Variants in PCDH9 observed in about 807,000 individuals in gnomAD.
PCDH9 encodes the protein protocadherin-9.
Under a neutral mutation model 70.6 loss-of-function variants are expected in PCDH9, and 24 were observed. The ratio of observed to expected loss-of-function variants is 0.34; its 90% CI spans 0.25 to 0.48. PCDH9 has a LOEUF of 0.48. Ranked by LOEUF, PCDH9 falls within the 20% of genes least tolerant of loss-of-function variation. The probability of loss-of-function intolerance (pLI) is 0.99; values close to 1 mark genes in which losing one functional copy is unlikely to be tolerated. For synonymous variants in PCDH9, 562 were observed against 558.5 expected, an observed-to-expected ratio of 1.01 and a Z score of -0.09; for missense variants, 1,281 against 1,503.6, an observed-to-expected ratio of 0.85 and a Z score of 2.45.
chr13:66,323,298 G>T (rs1383526333), intron 4 of PCDH9: 1 of 151,918 alleles, frequency 6.6e-6, no homozygotes, highest in East Asian at 1.9e-4. Context: ...ATTAACTTTA[G>T]GAAAGGAACT....
intron 4 of PCDH9, among the ~76,000 whole-genome samples, chr13:66,518,662 G>C (rs1289939396): frequency 6.6e-6 from 1 of 152,068 alleles, no homozygotes; most frequent in Admixed American, 6.6e-5. Context: ...GAAAACGCCC[G>C]AGGTTTAGAA....
intron 4 of PCDH9, among the ~76,000 whole-genome samples, chr13:66,530,638 A>C (rs1484445845): frequency 6.6e-6 from 1 of 152,038 alleles, no homozygotes; most frequent in Admixed American, 6.6e-5. Flanking sequence ...GCCTGTGTCC[A>C]TGTATCTGTT....
chr13:66,939,440 G>GTGTGTGTGTGT (rs2082971816), intron 2 of PCDH9, among the ~76,000 whole-genome samples: 1 of 151,652 alleles, frequency 6.6e-6, no homozygotes, highest in Non-Finnish European at 1.5e-5. Flanking sequence ...GTGTGTGTGT[G>GTGTGTGTGTGT]TGTGTGTGTG....
intron 3 of PCDH9, among the ~76,000 whole-genome samples, chr13:66,730,874 G>GTTTTTTT (rs1566154009): frequency 4.4e-5 from 1 of 22,720 alleles, no homozygotes; most frequent in African/African-American, 1.3e-4. Flanking sequence ...TTGTGTGTGT[G>GTTTTTTT]TGTTTTTTTT....
intron 4 of PCDH9, among the ~76,000 whole-genome samples, chr13:66,454,551 T>C (rs1566338273): frequency 6.6e-6 from 1 of 152,186 alleles, no homozygotes; most frequent in South Asian, 2.1e-4. Context: ...AAGATATATA[T>C]GAAAGGCTGT....
chr13:67,058,654 T>C lies in PCDH9; in HGVS notation c.3037-155049A>G, dbSNP rs868360502. Among the ~76,000 whole-genome samples, 38 of 152,224 alleles carry C rather than the reference T, an allele frequency of 2.5e-4. 1 individual carries two copies. The highest frequency in any genetic ancestry group is 7.9e-4 in the African/African-American group (33 of 41,558). On this transcript the variant is annotated intron_variant, in intron 2 of 4. Coordinates refer to ENST00000377865, the MANE Select transcript of PCDH9 (RefSeq NM_203487.3). ...GTAATCTTAAATAGCAATAACAGTA[T>C]GCCCATGATCAATGTCAAATAGAAA...
intron 2 of PCDH9, among the ~76,000 whole-genome samples, chr13:66,952,550 C>T (rs868149599): frequency 3.3e-5 from 5 of 152,098 alleles, no homozygotes; most frequent in African/African-American, 4.8e-5. Flanking sequence ...AAGAGTAGCA[C>T]GAAGCCAGAC....
At chr13:67,108,982 G>A (rs1298059226) in intron 2 of PCDH9, among the ~76,000 whole-genome samples, 1 of 152,154 alleles carries the variant, frequency 6.6e-6, no homozygotes, top group Non-Finnish European at 1.5e-5. Flanking sequence ...GTCAATTTTA[G>A]TCAAAATCAT....
intron 4 of PCDH9, among the ~76,000 whole-genome samples, chr13:66,394,675 T>G (rs1000003863): frequency 2.6e-5 from 4 of 152,186 alleles, no homozygotes. Context: ...TCAACTGCCC[T>G]CTTTCTAATT....
chr13:66,787,568 A>T (rs1188489278), intron 3 of PCDH9, among the ~76,000 whole-genome samples: 1 of 152,012 alleles, frequency 6.6e-6, no homozygotes, highest in African/African-American at 2.4e-5. Context: ...GTGAGCTGAG[A>T]TCACACCACT....
At chr13:67,140,027 C>T (rs1395476928) in intron 2 of PCDH9, among the ~76,000 whole-genome samples, 7 of 38,720 alleles carry the variant, frequency 1.8e-4, no homozygotes, top group East Asian at 1.8e-3. Flanking sequence ...TTTTGATCAC[C>T]CCCCCCCCCC....
intron 3 of PCDH9, among the ~76,000 whole-genome samples, chr13:66,789,467 A>G (rs1396465005): frequency 2.6e-5 from 4 of 152,130 alleles, no homozygotes; most frequent in African/African-American, 7.2e-5. Context: ...AAGAGTCTCT[A>G]TACAATATGG....
intron 2 of PCDH9, among the ~76,000 whole-genome samples, chr13:67,120,211 T>TAATAATAAC (rs1196213145): frequency 1.5e-4 from 23 of 149,360 alleles, no homozygotes; most frequent in African/African-American, 5.6e-4. Context: ...ATAATAATAA[T>TAATAATAAC]AATAAAGGGT....
intron 2 of PCDH9, among the ~76,000 whole-genome samples, chr13:67,016,149 G>C (rs909338804): frequency 6.6e-6 from 1 of 152,036 alleles, no homozygotes; most frequent in African/African-American, 2.4e-5. Context: ...AGAATTTCAA[G>C]AATTTTCATA....
chr13:67,221,193 G>A (rs2089717141), intron 2 of PCDH9: 1 of 151,974 alleles, frequency 6.6e-6, no homozygotes, highest in South Asian at 2.1e-4. Flanking sequence ...TAAAGATTTT[G>A]GTTAGCCTCA....
At chr13:66,778,851 A>G (rs531338053) in intron 3 of PCDH9, among the ~76,000 whole-genome samples, 5 of 152,232 alleles carry the variant, frequency 3.3e-5, no homozygotes, top group African/African-American at 1.2e-4. Flanking sequence ...GAGCAGCCCC[A>G]TGGTTCTTCA....
In PCDH9 at chr13:67,185,880, G is replaced by C. The variant is rs545162582; in HGVS notation, c.3036+39525C>G. Among the ~76,000 whole-genome samples, 13 of 152,154 alleles carry C rather than the reference G, an allele frequency of 8.5e-5. No homozygotes were observed. In the South Asian group the frequency reaches 2.5e-3, roughly 29 times the overall value. ...CCCAAGTAGCTGGGATTACAGGCAT[G>C]AGCCACCACACCCGGCTAATTTTGT... On this transcript the variant is annotated intron_variant, in intron 2 of 4. Coordinates refer to ENST00000377865, the MANE Select transcript of PCDH9 (RefSeq NM_203487.3).
Position 66,744,127 on chromosome 13 carries a change from T to G in PCDH9, c.3139-112716A>C, listed in dbSNP as rs1263971136. Among the ~76,000 whole-genome samples, 5 of 152,194 alleles carry G rather than the reference T, an allele frequency of 3.3e-5. No homozygotes were observed. In the East Asian group the frequency reaches 7.7e-4, roughly 23 times the overall value. On this transcript the variant is annotated intron_variant, in intron 3 of 4. Transcript: ENST00000377865. ...CTGGAATTAGAGAGCCCCACGCATCTGGGTAATGGAATTCTGACTGTCTCC... is the reference window on the plus strand; with the variant it reads ...CTGGAATTAGAGAGCCCCACGCATCGGGGTAATGGAATTCTGACTGTCTCC...
At chr13:67,207,772 A>G (rs2089385309) in intron 2 of PCDH9, 1 of 152,182 alleles carries the variant, frequency 6.6e-6, no homozygotes, top group Non-Finnish European at 1.5e-5. Context: ...TAAAGCTATG[A>G]CTAATCATGT....
Sources: allele counts gnomAD v4.1 joint callset (sites outside exome capture counted in the v4.1 genomes callset), GRCh38; gene constraint gnomAD v4.1.1; transcripts MANE v1.5; gene names NCBI Gene and HGNC (gene_info 2026-07-23, HGNC 2026-07-21).